Variants in QRICH1 observed in about 807,000 individuals in gnomAD.
The protein encoded by QRICH1 is glutamine rich 1.
QRICH1 carries 16 observed loss-of-function variants against 87.1 expected under a neutral mutation model. The ratio of observed to expected loss-of-function variants is 0.18; its 90% CI spans 0.12 to 0.28. The LOEUF (loss-of-function observed/expected upper bound fraction) is 0.28. Among genes scored for constraint, QRICH1 ranks in the 10% least tolerant of loss-of-function variants. The pLI is 1.00. For missense variants in QRICH1, 647 were observed against 951.7 expected (o/e 0.68, Z 4.21); for synonymous variants, 367 against 368.4 (o/e 1.00, Z 0.05).
At chr3:49,092,374 G>C (rs1391545046) in intron 1 of QRICH1, 2 of 151,952 alleles carry the variant, frequency 1.3e-5, no homozygotes, top group Non-Finnish European at 2.9e-5. Flanking sequence ...GATACTTCCA[G>C]GATATGAACA....
intron 1 of QRICH1, among the ~76,000 whole-genome samples, chr3:49,079,723 G>A (rs1224634135): frequency 2.6e-5 from 4 of 152,026 alleles, no homozygotes; most frequent in East Asian, 1.9e-4. Context: ...GCACAGTAGC[G>A]ATTTCCTTAA....
intron 6 of QRICH1, among the ~76,000 whole-genome samples, chr3:49,035,449 C>T (rs1415801919): frequency 3.3e-5 from 5 of 152,158 alleles, no homozygotes; most frequent in Non-Finnish European, 2.9e-5. Flanking sequence ...TCTCTGGGTT[C>T]GCTCTGTCAC....
intron 2 of QRICH1, among the ~76,000 whole-genome samples, chr3:49,066,925 C>A (rs1268408871): frequency 6.6e-6 from 1 of 151,738 alleles, no homozygotes; most frequent in African/African-American, 2.4e-5. Context: ...GTAATCCCAG[C>A]GACTCAGGAG....
intron 3 of QRICH1, among the ~76,000 whole-genome samples, chr3:49,051,121 C>T (rs887221930): frequency 3.3e-5 from 5 of 152,146 alleles, no homozygotes; most frequent in African/African-American, 9.7e-5. Context: ...GCATTCAGAG[C>T]TCCAATCACT....
At chr3:49,039,722 G>GA (rs2093298823) in intron 6 of QRICH1, among the ~76,000 whole-genome samples, 1 of 150,864 alleles carries the variant, frequency 6.6e-6, no homozygotes, top group Admixed American at 6.6e-5. Flanking sequence ...GTTTAAAATG[G>GA]AAAAAATAAA....
chr3:49,080,934 C>G (rs949793632), intron 1 of QRICH1, among the ~76,000 whole-genome samples: 1 of 130,834 alleles, frequency 7.6e-6, no homozygotes, highest in Non-Finnish European at 1.5e-5. Context: ...CCATTGCACT[C>G]CAGGCTGGGC....
At chr3:49,051,198 C>G (rs2093368207) in intron 3 of QRICH1, among the ~76,000 whole-genome samples, 1 of 152,160 alleles carries the variant, frequency 6.6e-6, no homozygotes. Context: ...CCACCACTAC[C>G]AGCAATACCA....
At chr3:49,032,450 C>A (rs2093247124) in intron 8 of QRICH1, 172 bp downstream of exon 8, 1 of 918,136 alleles carries the variant, frequency 1.1e-6, no homozygotes, top group Non-Finnish European at 1.6e-6. Flanking sequence ...CTGTCTGGGG[C>A]TTCTCTGCTT....
chr3:49,037,403 T>C (rs574189889), intron 6 of QRICH1, among the ~76,000 whole-genome samples: 1 of 152,322 alleles, frequency 6.6e-6, no homozygotes, highest in East Asian at 1.9e-4. Flanking sequence ...ATGAATATAC[T>C]GTAAGACAAA....
intron 3 of QRICH1, among the ~76,000 whole-genome samples, chr3:49,049,859 A>T (rs1406862292): frequency 6.6e-6 from 1 of 151,996 alleles, no homozygotes; most frequent in Non-Finnish European, 1.5e-5. Flanking sequence ...CCATTTTTTT[A>T]GTTTGGACTC....
intron 1 of QRICH1, among the ~76,000 whole-genome samples, chr3:49,086,317 T>G (rs2107033985): frequency 6.6e-6 from 1 of 151,268 alleles, no homozygotes; most frequent in East Asian, 1.9e-4. Flanking sequence ...AGTGCAATGG[T>G]GCGATCTCGG....
At position 49,033,160 on chromosome 3, in the gene QRICH1, G is replaced by C; in HGVS notation, c.1855C>G (p.Pro619Ala). The change falls in exon 7 of 10, where the codon CCC (proline) becomes GCC (alanine). Residue 619 changes from proline to alanine, a missense_variant. Pro to Ala is a conservative substitution (Grantham distance 27). Transcript: ENST00000395443. ...WECKQLGAHS[P>A]STLLTTLMFF... ...ATGAGGGTGGTCAGCAAGGTGGAGG[G>C]GGAGTGAGCCCCAAGCTGCTTGCAC... 3.2e-6 allele frequency: 5 copies of C among 1,582,822 alleles called. No individual in the cohort carries two copies. The highest frequency in any genetic ancestry group is 4.3e-6 in the Non-Finnish European group (5 of 1,166,026).
intron 1 of QRICH1, among the ~76,000 whole-genome samples, chr3:49,090,674 C>T (rs573332464): frequency 2.0e-5 from 3 of 151,506 alleles, no homozygotes; most frequent in African/African-American, 7.3e-5. Flanking sequence ...AAAATATTAG[C>T]CTTCTGACAC....
intron 2 of QRICH1, among the ~76,000 whole-genome samples, chr3:49,069,871 A>C (rs988304925): frequency 1.3e-5 from 2 of 152,134 alleles, no homozygotes; most frequent in Non-Finnish European, 2.9e-5. Flanking sequence ...GTAAGTATAC[A>C]TATGTGTATG....
chr3:49,036,495 G>A (rs2093275738), intron 6 of QRICH1, among the ~76,000 whole-genome samples: 1 of 152,188 alleles, frequency 6.6e-6, no homozygotes, highest in South Asian at 2.1e-4. Flanking sequence ...TCAATTTAAA[G>A]AGGCTTCTAA....
intron 2 of QRICH1, among the ~76,000 whole-genome samples, chr3:49,061,799 C>T (rs991013217): frequency 3.3e-5 from 5 of 151,846 alleles, no homozygotes; most frequent in Non-Finnish European, 7.4e-5. Flanking sequence ...TGCAGTGAGC[C>T]GAGATTGCAC....
rs561423204 is a variant in QRICH1 at position 49,069,113 on chromosome 3, T to A, written c.309+7596A>T. Among the ~76,000 whole-genome samples, 587 of 144,136 alleles carry A rather than the reference T, an allele frequency of 4.1e-3. 6 individuals are homozygous for A. Among genetic ancestry groups the A allele is most frequent in the African/African-American group, 0.014 (550 of 40,112 alleles). The allele number at this position is 144,136 out of a possible 152,430, so 94.6% of individuals were successfully genotyped here. ...TATTATTATTATTATTATTATTTTT[T>A]TTTTTTTTTTGAGATAGTCTTGTTC... On this transcript the variant is annotated intron_variant, in intron 2 of 9. Coordinates refer to ENST00000395443, the MANE Select transcript of QRICH1 (RefSeq NM_198880.3).
Position 49,057,960 on chromosome 3 carries a change from GA to G in QRICH1, c.310-71del. ...AAAATCCAGTACCCAAGGAAAGAAA[GA>G]AAAGAGATCCCAGACAGGGGACCTG... On this transcript the variant is annotated intron_variant, in intron 2 of 9. Coordinates refer to ENST00000395443, the MANE Select transcript of QRICH1 (RefSeq NM_198880.3). This position sits in a 1 kb window ranked among gnomAD's most constrained non-coding sequence, Gnocchi z 5.4. The G allele has an allele frequency of 1.2e-6, 2 of 1,611,242 alleles. No individual in the cohort carries two copies. The highest frequency in any genetic ancestry group is 8.5e-7 in the Non-Finnish European group (1 of 1,179,604).
rs553484515 is a variant in QRICH1, at chr3:49,071,575, T to C, written c.309+5134A>G. ...GAGTTCAAGACCAGTCTGTCCAACATGGTGAATGAAACCCCACCTCTACTG... is the reference window on the plus strand; with the variant it reads ...GAGTTCAAGACCAGTCTGTCCAACACGGTGAATGAAACCCCACCTCTACTG... On this transcript the variant is annotated intron_variant, in intron 2 of 9. Transcript: ENST00000395443. 3.9e-5 allele frequency among the ~76,000 whole-genome samples: 6 copies of C among 152,206 alleles called. No individual in the cohort carries two copies. The South Asian group carries it at 1.0e-3, about 26-fold the overall frequency.
Sources: allele counts gnomAD v4.1 joint callset (sites outside exome capture counted in the v4.1 genomes callset), GRCh38; gene constraint gnomAD v4.1.1; non-coding constraint Gnocchi (gnomAD v3.1); transcripts MANE v1.5; gene names NCBI Gene and HGNC (gene_info 2026-07-23, HGNC 2026-07-21).